Variants in ADGRV1 observed in about 807,000 individuals in gnomAD.
ADGRV1 encodes adhesion G protein-coupled receptor V1.
A neutral mutation model predicts 596.2 loss-of-function variants in ADGRV1; 359 were observed. That is an observed-to-expected ratio of 0.60 (90% CI 0.55 to 0.66). The LOEUF (loss-of-function observed/expected upper bound fraction) is 0.66. Ranked by LOEUF, ADGRV1 falls within the 30% of genes least tolerant of loss-of-function variation. The pLI is 0.00. For missense variants in ADGRV1, 7,274 were observed against 7,575.6 expected (o/e 0.96, Z 1.48); for synonymous variants, 2,681 against 2,679.2 (o/e 1.00, Z -0.02).
intron 83 of ADGRV1, among the ~76,000 whole-genome samples, chr5:90,902,635 C>T (rs1201008950): frequency 6.6e-6 from 1 of 152,102 alleles, no homozygotes; most frequent in Non-Finnish European, 1.5e-5. Context: ...CAATTAGGTT[C>T]TAAATAAATC....
At chr5:90,921,789 G>T (rs1028000250) in intron 83 of ADGRV1, among the ~76,000 whole-genome samples, 13 of 147,724 alleles carry the variant, frequency 8.8e-5, no homozygotes, top group African/African-American at 3.0e-4. Flanking sequence ...CAATAAAGTT[G>T]TGTCTTGTTT....
In ADGRV1 at chr5:90,750,466, A is replaced by C. The variant is rs1285229248; in HGVS notation, c.10975-85A>C. ...TGTTGCTTAGGACCACAAAGTTTGC[A>C]AATCCATAATAACATGAGACAAAAA... On this transcript the variant is annotated intron_variant, in intron 52 of 89. Transcript: ENST00000405460. The C allele has an allele frequency of 7.4e-6, 9 of 1,211,428 alleles. No individual in the cohort carries two copies. The South Asian group carries it at 1.3e-4, about 18-fold the overall frequency. 75.0% of individuals were successfully genotyped at this position (1,211,428 alleles called of 1,614,324 possible). A position where few individuals can be genotyped will look rare whatever the true frequency, so the allele number is the denominator to read the frequency against.
chr5:90,641,235 T>A (rs905889546), intron 11 of ADGRV1, among the ~76,000 whole-genome samples: 1 of 152,216 alleles, frequency 6.6e-6, no homozygotes, highest in Non-Finnish European at 1.5e-5. Flanking sequence ...ATGTCTTTTA[T>A]GAATCTTGTA....
In ADGRV1 at chr5:91,106,137, G is replaced by A. The variant is rs553429750; in HGVS notation, c.18432+3797G>A. On this transcript the variant is annotated intron_variant, in intron 87 of 89. Transcript: ENST00000405460. ...TTTGATCCATTTTGAGTTGGTTTTT[G>A]TATAGGGTGAGAGTTGGGGGTCTAG... is the stretch of plus-strand genomic sequence containing the variant. 6.6e-5 allele frequency among the ~76,000 whole-genome samples: 10 copies of A among 152,148 alleles called. No homozygotes were observed. In the East Asian group the frequency reaches 1.2e-3, roughly 18 times the overall value.
At chr5:90,927,502 T>C (rs1322834237) in intron 83 of ADGRV1, among the ~76,000 whole-genome samples, 3 of 152,204 alleles carry the variant, frequency 2.0e-5, no homozygotes, top group African/African-American at 7.2e-5. Flanking sequence ...TCTTCCTCCA[T>C]CCTTTTATTT....
At chr5:90,884,389 GT>G (rs1354405362) in intron 83 of ADGRV1, among the ~76,000 whole-genome samples, 1 of 152,046 alleles carries the variant, frequency 6.6e-6, no homozygotes, top group Non-Finnish European at 1.5e-5. Flanking sequence ...AATGTATCTT[GT>G]TTTTAAATTA....
At chr5:91,093,426 T>C (rs1790552861) in intron 86 of ADGRV1, among the ~76,000 whole-genome samples, 1 of 152,246 alleles carries the variant, frequency 6.6e-6, no homozygotes, top group African/African-American at 2.4e-5. Context: ...AAATTCAAGC[T>C]TTCAGATGAA....
At chr5:90,721,859 G>A (rs1025276651) in intron 45 of ADGRV1, among the ~76,000 whole-genome samples, 8 of 140,668 alleles carry the variant, frequency 5.7e-5, no homozygotes, top group African/African-American at 1.5e-4. Flanking sequence ...GTGAGAGTGA[G>A]AAGCTGTGAA....
intron 83 of ADGRV1, among the ~76,000 whole-genome samples, chr5:90,948,526 C>T (rs776944617): frequency 6.6e-6 from 1 of 152,036 alleles, no homozygotes; most frequent in Non-Finnish European, 1.5e-5. Flanking sequence ...TATCCTATGA[C>T]CCTTCAACTT....
chr5:90,810,644 T>G lies in ADGRV1; in HGVS notation c.15384T>G (p.Asp5128Glu). 2 of 1,613,976 alleles carry G rather than the reference T, an allele frequency of 1.2e-6. No individual in the cohort carries two copies. Among genetic ancestry groups the G allele is most frequent in the Non-Finnish European group, 1.7e-6 (2 of 1,179,884 alleles). Reference protein sequence around the residue: ...SVAVITILDNDDLAGMDISFP... With the variant: ...SVAVITILDNEDLAGMDISFP... ...CAGTGATTACAATATTGGATAATGA[T>G]GACCTGGCAGGAATGGATATTTCCT... The change falls in exon 74 of 90, where the codon GAT becomes GAG. Residue 5128 changes from aspartate (D) to glutamate (E), a missense_variant. This residue lies in a region of ADGRV1 where 1,874 missense variants were observed against 1,970.2 expected (regional missense o/e 0.95). Transcript: ENST00000405460.
At chr5:91,100,840 C>T (rs537457424) in intron 86 of ADGRV1, among the ~76,000 whole-genome samples, 27 of 152,246 alleles carry the variant, frequency 1.8e-4, no homozygotes, top group African/African-American at 6.3e-4. Context: ...TGATTTCTAA[C>T]GGCTTATAAT....
At chr5:90,860,725 A>T (rs929242262) in intron 82 of ADGRV1, among the ~76,000 whole-genome samples, 2 of 146,088 alleles carry the variant, frequency 1.4e-5, no homozygotes, top group South Asian at 2.2e-4. Flanking sequence ...GGTATAATAA[A>T]AAAAAAAAAG....
chr5:90,855,981 A>G, intron 82 of ADGRV1, 80 bp downstream of exon 82: 2 of 1,121,216 alleles, frequency 1.8e-6, no homozygotes, highest in Non-Finnish European at 1.3e-6. Flanking sequence ...CCTTTTACGT[A>G]TGCAAGATGC....
chr5:90,671,520 G>T (rs563294196), intron 21 of ADGRV1, among the ~76,000 whole-genome samples: 1 of 152,316 alleles, frequency 6.6e-6, no homozygotes, highest in East Asian at 1.9e-4. Flanking sequence ...CAGAGGATTT[G>T]CTGGAACATC....
rs140911567 is a variant in ADGRV1, at chr5:91,102,200, C to CT, written c.18311-9dup. The CT allele has an allele frequency of 4.5e-3, 6,255 of 1,389,944 alleles. 2 individuals carry two copies. The highest frequency in any genetic ancestry group is 5.3e-3 in the Non-Finnish European group (5,403 of 1,021,898). The allele number at this position is 1,389,944 out of a possible 1,614,324, so 86.1% of individuals were successfully genotyped here. Reference sequence around the variant, plus strand: ...TGCAGTATTCTGAAGCTCAAAAATTCTTTTTTTTTTATTTCTAGAAATTCC... The same window carrying CT: ...TGCAGTATTCTGAAGCTCAAAAATTCTTTTTTTTTTTATTTCTAGAAATTCC... On this transcript the variant is annotated intron_variant, in intron 86 of 89. Coordinates refer to ENST00000405460, the MANE Select transcript of ADGRV1 (RefSeq NM_032119.4).
chr5:90,594,882 T>C (rs1301232752), intron 1 of ADGRV1, among the ~76,000 whole-genome samples: 2 of 150,428 alleles, frequency 1.3e-5, no homozygotes, highest in East Asian at 2.0e-4. Flanking sequence ...CCATGTCTAC[T>C]TCTTTCTACA....
chr5:90,657,162 G>A (rs10064606), intron 20 of ADGRV1, among the ~76,000 whole-genome samples: 59,373 of 150,088 alleles, frequency 0.4, 12,163 homozygotes, highest in Admixed American at 0.5. Context: ...CTGTAATTGC[G>A]CCTCAAGCGA....
chr5:90,774,658 A>G (rs1271899442), intron 60 of ADGRV1, among the ~76,000 whole-genome samples: 1 of 152,146 alleles, frequency 6.6e-6, no homozygotes, highest in Non-Finnish European at 1.5e-5. Context: ...CAGCCATTCA[A>G]CGTGACATAA....
At chr5:91,076,009 C>T (rs146323099) in intron 86 of ADGRV1, among the ~76,000 whole-genome samples, 1 of 152,174 alleles carries the variant, frequency 6.6e-6, no homozygotes, top group East Asian at 1.9e-4. Flanking sequence ...TGGTAAAACC[C>T]ACGTGCTCAA....
Sources: allele counts gnomAD v4.1 joint callset (sites outside exome capture counted in the v4.1 genomes callset), GRCh38; gene constraint gnomAD v4.1.1; regional missense constraint gnomAD v4.1.1; transcripts MANE v1.5; gene names NCBI Gene and HGNC (gene_info 2026-07-23, HGNC 2026-07-21).